Variants in PIK3C2G observed in about 807,000 individuals in gnomAD.
PIK3C2G encodes the protein phosphatidylinositol 3-kinase C2 domain-containing subunit gamma.
A neutral mutation model predicts 181.1 loss-of-function variants in PIK3C2G; 168 were observed. That is an observed-to-expected ratio of 0.93 (90% CI 0.82 to 1.05). The LOEUF (loss-of-function observed/expected upper bound fraction) is 1.05. PIK3C2G is among the 50% of genes least tolerant of loss of function. The pLI, the probability that PIK3C2G is intolerant of heterozygous loss-of-function variation, is 0.00. For missense variants in PIK3C2G, 1,869 were observed against 1,732.8 expected, an observed-to-expected ratio of 1.08 and a Z score of -1.40; for synonymous variants, 573 against 592.2, an observed-to-expected ratio of 0.97 and a Z score of 0.47.
At chr12:18,523,748 C>CA (rs1203302156) in intron 24 of PIK3C2G, among the ~76,000 whole-genome samples, 1 of 152,206 alleles carries the variant, frequency 6.6e-6, no homozygotes, top group East Asian at 1.9e-4. Context: ...CACTGATCTG[C>CA]AGTTCCTCCC....
the PIK3C2G span, among the ~76,000 whole-genome samples, chr12:18,712,025 T>C: frequency 2.6e-5 from 4 of 152,190 alleles, no homozygotes; most frequent in African/African-American, 7.2e-5. Flanking sequence ...GTTGACAGAT[T>C]ATGTAATGTA....
At chr12:18,589,743 A>G (rs963588097) in intron 29 of PIK3C2G, among the ~76,000 whole-genome samples, 14 of 152,144 alleles carry the variant, frequency 9.2e-5, no homozygotes, top group East Asian at 3.9e-4. Flanking sequence ...TGTTTAGCAC[A>G]TAAGGAATTT....
chr12:18,675,833 A>C, the PIK3C2G span, among the ~76,000 whole-genome samples: 1 of 151,482 alleles, frequency 6.6e-6, no homozygotes, highest in Non-Finnish European at 1.5e-5. Flanking sequence ...AAATGAACAG[A>C]TAGGTAAATA....
chr12:18,535,595 T>C (rs1439459608), intron 24 of PIK3C2G, among the ~76,000 whole-genome samples: 1 of 152,036 alleles, frequency 6.6e-6, no homozygotes, highest in East Asian at 1.9e-4. Context: ...AAGAGAAAAG[T>C]ATATTCATCA....
chr12:18,385,234 T>C (rs73066519), intron 14 of PIK3C2G, among the ~76,000 whole-genome samples: 21,882 of 152,122 alleles, frequency 0.14, 2,024 homozygotes, highest in Admixed American at 0.27. Flanking sequence ...ATTGTCCTCA[T>C]TAGATGGTGG....
chr12:18,272,979 A>C (rs1404618530), intron 1 of PIK3C2G, among the ~76,000 whole-genome samples: 2 of 135,260 alleles, frequency 1.5e-5, no homozygotes, highest in Admixed American at 1.5e-4. Flanking sequence ...AAGTTATAAG[A>C]AATGACACTC....
the PIK3C2G span, chr12:18,694,905 C>G: frequency 3.2e-5 from 51 of 1,576,566 alleles, no homozygotes; most frequent in Non-Finnish European, 3.9e-5. Context: ...ATTTATTAAT[C>G]TTACCCTTAT....
chr12:18,280,521 T>C (rs576507028), intron 1 of PIK3C2G, among the ~76,000 whole-genome samples: 2 of 151,988 alleles, frequency 1.3e-5, no homozygotes, highest in Admixed American at 1.3e-4. Flanking sequence ...AAAAATCAAG[T>C]CCTTTTGAGG....
At chr12:18,282,945 A>AT (rs66539336) in intron 2 of PIK3C2G, among the ~76,000 whole-genome samples, 186 bp downstream of exon 2, 21,152 of 134,300 alleles carry the variant, frequency 0.16, 1,836 homozygotes, top group Admixed American at 0.22. Context: ...AAAAAGGGAA[A>AT]TTAAAAAAAA....
At chr12:18,467,499 C>T (rs1164296536) in intron 18 of PIK3C2G, among the ~76,000 whole-genome samples, 10 of 144,840 alleles carry the variant, frequency 6.9e-5, no homozygotes, top group African/African-American at 2.5e-4. Context: ...TTTTTTTTTT[C>T]AGACACTTTT....
chr12:18,636,944 A>G (rs916855381), intron 31 of PIK3C2G, among the ~76,000 whole-genome samples: 19 of 152,182 alleles, frequency 1.2e-4, no homozygotes, highest in Admixed American at 1.2e-3. Flanking sequence ...GTGAGCTGCT[A>G]TGTCTATTGC....
chr12:18,491,038 G>A (rs935648184), intron 19 of PIK3C2G, among the ~76,000 whole-genome samples: 6 of 151,984 alleles, frequency 3.9e-5, no homozygotes, highest in African/African-American at 2.4e-5. Context: ...CTATACTATT[G>A]AGTGTAATTT....
At chr12:18,479,020 TACAC>T (rs551681468) in intron 18 of PIK3C2G, among the ~76,000 whole-genome samples, 138 of 148,124 alleles carry the variant, frequency 9.3e-4, no homozygotes, top group Non-Finnish European at 1.9e-3. Flanking sequence ...TATTTTTATA[TACAC>T]ACACACATAT....
chr12:18,471,279 G>A (rs1938433309), intron 18 of PIK3C2G, among the ~76,000 whole-genome samples: 1 of 152,086 alleles, frequency 6.6e-6, no homozygotes, highest in Admixed American at 6.6e-5. Flanking sequence ...TACAAAATGG[G>A]CATTCGGGAT....
intron 5 of PIK3C2G, among the ~76,000 whole-genome samples, chr12:18,303,443 C>G (rs1950294438): frequency 6.6e-6 from 1 of 152,028 alleles, no homozygotes; most frequent in Non-Finnish European, 1.5e-5. Context: ...ATAATCAATT[C>G]TCCTGCCTCA....
At chr12:18,524,493 A>G (rs1592488951) in intron 24 of PIK3C2G, among the ~76,000 whole-genome samples, 1 of 151,296 alleles carries the variant, frequency 6.6e-6, no homozygotes, top group Admixed American at 6.6e-5. Flanking sequence ...CCAATGTGTT[A>G]TTTTAATCCT....
intron 26 of PIK3C2G, among the ~76,000 whole-genome samples, chr12:18,551,635 A>C (rs1362012240): frequency 6.6e-6 from 1 of 152,102 alleles, no homozygotes; most frequent in Non-Finnish European, 1.5e-5. Context: ...TCAAAAAACA[A>C]AACCCAAAAC....
At chr12:18,570,362 C>T (rs1200556167) in intron 29 of PIK3C2G, among the ~76,000 whole-genome samples, 1 of 141,756 alleles carries the variant, frequency 7.1e-6, no homozygotes, top group African/African-American at 2.9e-5. Context: ...GCGCCCACCA[C>T]CACACCCAGC....
Position 18,395,084 on chromosome 12 carries a change from C to CTTTCTTTCTTTCTTTCTTTCTTTCT in PIK3C2G, c.2126+3834_2126+3835insTCTTTCTTTCTTTCTTTCTTTCTTT, listed in dbSNP as rs1353162233. Reference sequence around the variant, plus strand: ...CCTTCTTTCCCTGCCTCTTTCATTCCTTCTTTCTTTCTTTCTTTCATTCTT... The same window carrying CTTTCTTTCTTTCTTTCTTTCTTTCT: ...CCTTCTTTCCCTGCCTCTTTCATTCCTTTCTTTCTTTCTTTCTTTCTTTCTTTCTTTCTTTCTTTCTTTCATTCTT... On this transcript the variant is annotated intron_variant, in intron 15 of 32. Coordinates refer to ENST00000538779, the MANE Select transcript of PIK3C2G (RefSeq NM_001288772.2). 3.7e-3 allele frequency among the ~76,000 whole-genome samples: 529 copies of CTTTCTTTCTTTCTTTCTTTCTTTCT among 141,574 alleles called. 10 individuals are homozygous for CTTTCTTTCTTTCTTTCTTTCTTTCT. Among genetic ancestry groups the CTTTCTTTCTTTCTTTCTTTCTTTCT allele is most frequent in the Admixed American group, 0.025 (348 of 13,840 alleles). 92.9% of individuals were successfully genotyped at this position (141,574 alleles called of 152,430 possible). A position where few individuals can be genotyped will look rare whatever the true frequency, so the allele number is the denominator to read the frequency against.
Sources: gnomAD v4.1 joint callset for allele counts (sites outside exome capture counted in the v4.1 genomes callset) on GRCh38, gnomAD v4.1.1 for gene constraint, MANE v1.5 for transcripts, NCBI Gene and HGNC (gene_info 2026-07-23, HGNC 2026-07-21) for gene names.